KIF6: variants seen among roughly 807,000 people sequenced by gnomAD.
KIF6 encodes the protein kinesin-like protein KIF6.
In KIF6, 106 loss-of-function variants were observed where a neutral mutation model predicts 112.7. That is an observed-to-expected ratio of 0.94 (90% CI 0.80 to 1.11). The LOEUF (loss-of-function observed/expected upper bound fraction) is 1.11, where lower values mean the gene tolerates loss of function less well. Among genes scored for constraint, KIF6 ranks in the 50% least tolerant of loss-of-function variants. The pLI, the probability that KIF6 is intolerant of heterozygous loss-of-function variation, is 0.00. For missense variants in KIF6, 929 were observed against 964.0 expected (o/e 0.96, Z 0.48); for synonymous variants, 339 against 339.9 (o/e 1.00, Z 0.03).
chr6:39,532,935 A>G lies in KIF6; in HGVS notation c.1645+7068T>C, dbSNP rs140450565. The stretch of plus-strand genomic sequence containing the variant: ...AGTGCACATCATGCTCTGCTGGCCT[A>G]ACAGAAACACACGCGAATGAACTTG... On this transcript the variant is annotated intron_variant, in intron 13 of 22. Transcript: ENST00000287152. Among the ~76,000 whole-genome samples the G allele has an allele frequency of 1.1e-3, 168 of 152,324 alleles. 2 individuals carry two copies. The highest frequency in any genetic ancestry group is 3.8e-3 in the African/African-American group (157 of 41,562).
chr6:39,358,969 G>A (rs972556473), intron 18 of KIF6, among the ~76,000 whole-genome samples: 8 of 152,148 alleles, frequency 5.3e-5, no homozygotes, highest in African/African-American at 1.9e-4. Flanking sequence ...AGTGGTACAT[G>A]TATTACTATA....
intron 5 of KIF6, among the ~76,000 whole-genome samples, chr6:39,634,454 T>C (rs1419916268): frequency 6.6e-6 from 1 of 152,172 alleles, no homozygotes; most frequent in East Asian, 1.9e-4. Flanking sequence ...TCTCAGATTC[T>C]CTTATTGCTG....
At chr6:39,588,532 G>A (rs889027082) in intron 7 of KIF6, among the ~76,000 whole-genome samples, 3 of 152,014 alleles carry the variant, frequency 2.0e-5, no homozygotes, top group Non-Finnish European at 4.4e-5. Context: ...GCTTTTAAAT[G>A]CATTTATATC....
At chr6:39,385,548 TG>T in intron 16 of KIF6, 73 bp downstream of exon 16, 2 of 1,233,098 alleles carry the variant, frequency 1.6e-6, no homozygotes, top group Non-Finnish European at 2.4e-6. Context: ...ATCTTTTAGC[TG>T]GGTTTGGATT....
At chr6:39,496,426 T>C (rs1254872903) in intron 13 of KIF6, among the ~76,000 whole-genome samples, 2 of 152,182 alleles carry the variant, frequency 1.3e-5, no homozygotes, top group Admixed American at 6.5e-5. Flanking sequence ...TAACACTAAA[T>C]ATTAACACAT....
rs1206669220 is a variant in KIF6, at chr6:39,337,195, C to CTT, written c.2429-649_2429-648dup. ...TCCTTCTTTCTTTCTTTCTTTCTTT[C>CTT]TTTCTTTCTTTCTTTCTTTCTTTCT... On this transcript the variant is annotated intron_variant, in intron 22 of 22. Transcript: ENST00000287152. 8.8e-5 allele frequency among the ~76,000 whole-genome samples: 8 copies of CTT among 91,132 alleles called. No individual in the cohort carries two copies. The East Asian group carries it at 1.9e-3, about 22-fold the overall frequency. 59.8% of individuals were successfully genotyped at this position (91,132 alleles called of 152,430 possible).
At chr6:39,695,493 C>T (rs1204263006) in intron 3 of KIF6, among the ~76,000 whole-genome samples, 1 of 151,890 alleles carries the variant, frequency 6.6e-6, no homozygotes, top group Non-Finnish European at 1.5e-5. Flanking sequence ...GAAAAGTGGA[C>T]AAAGAACAAA....
intron 22 of KIF6, among the ~76,000 whole-genome samples, chr6:39,339,254 G>A (rs1763193475): frequency 6.6e-6 from 1 of 152,124 alleles, no homozygotes; most frequent in South Asian, 2.1e-4. Context: ...TTGGTGCTTG[G>A]GAGTTGATAA....
rs552971091 is a variant in KIF6 at position 39,523,226 on chromosome 6, T to C, written c.1645+16777A>G. Among the ~76,000 whole-genome samples the C allele has an allele frequency of 7.7e-4, 117 of 152,228 alleles. 1 individual carries two copies. Among genetic ancestry groups the C allele is most frequent in the African/African-American group, 2.1e-3 (87 of 41,546 alleles). ...ATGTTTGTCTCATCTTTTCAGTCCC[T>C]ACCGTGGCTGGCTTGGTCGAGGTCC... On this transcript the variant is annotated intron_variant, in intron 13 of 22. Transcript: ENST00000287152.
chr6:39,379,848 G>A (rs1766771523), intron 16 of KIF6, among the ~76,000 whole-genome samples: 1 of 152,240 alleles, frequency 6.6e-6, no homozygotes, highest in Non-Finnish European at 1.5e-5. Flanking sequence ...GTGGACCCAG[G>A]CTACTGGCCT....
rs1028750598 is a variant in KIF6 at position 39,555,781 on chromosome 6, C to T, written c.1182-10093G>A. Among the ~76,000 whole-genome samples, 5 of 151,546 alleles carry T rather than the reference C, an allele frequency of 3.3e-5. 1 individual carries two copies. Among genetic ancestry groups the T allele is most frequent in the African/African-American group, 4.9e-5 (2 of 41,228 alleles). On this transcript the variant is annotated intron_variant, in intron 10 of 22. Transcript: ENST00000287152. ...CAGCCTGGCCAACATGCTGAAACCCCGTCTCTACTAAAAATACAAAAATTA... is the reference window on the plus strand; with the variant it reads ...CAGCCTGGCCAACATGCTGAAACCCTGTCTCTACTAAAAATACAAAAATTA...
intron 6 of KIF6, among the ~76,000 whole-genome samples, chr6:39,608,158 A>C (rs776815859): frequency 5.9e-5 from 9 of 152,312 alleles, no homozygotes; most frequent in Middle Eastern, 3.4e-3. Context: ...AAAGTTTGCT[A>C]ATGTGCAAAG....
chr6:39,359,610 G>T (rs1207390120), intron 18 of KIF6, among the ~76,000 whole-genome samples: 2 of 152,004 alleles, frequency 1.3e-5, no homozygotes, highest in Non-Finnish European at 2.9e-5. Flanking sequence ...TTTTGAGACA[G>T]GGCCTTGCTC....
At chr6:39,698,453 T>C (rs948513177) in intron 3 of KIF6, among the ~76,000 whole-genome samples, 1 of 152,194 alleles carries the variant, frequency 6.6e-6, no homozygotes, top group Admixed American at 6.5e-5. Context: ...AAAAGAAATA[T>C]TGATTGCCAA....
intron 14 of KIF6, 33 bp downstream of exon 14, chr6:39,431,020 C>T (rs761705120): frequency 2.4e-5 from 34 of 1,404,046 alleles, no homozygotes; most frequent in Middle Eastern, 1.8e-4. Flanking sequence ...GGCTGAGCCT[C>T]GGAGGACCAG....
intron 10 of KIF6, among the ~76,000 whole-genome samples, chr6:39,557,876 T>A (rs527686846): frequency 1.3e-5 from 2 of 151,362 alleles, no homozygotes; most frequent in South Asian, 4.2e-4. Flanking sequence ...TCATTAAAAA[T>A]TTTGAAGGAT....
intron 5 of KIF6, among the ~76,000 whole-genome samples, chr6:39,634,503 G>A (rs1784520992): frequency 6.6e-6 from 1 of 152,006 alleles, no homozygotes; most frequent in Non-Finnish European, 1.5e-5. Flanking sequence ...TCAGAAAGAG[G>A]CCACAATTAG....
At chr6:39,674,428 A>G (rs1561918377) in intron 3 of KIF6, among the ~76,000 whole-genome samples, 2 of 152,158 alleles carry the variant, frequency 1.3e-5, no homozygotes, top group Admixed American at 1.3e-4. Flanking sequence ...CTACCAGACT[A>G]TGAGCATCAC....
intron 3 of KIF6, among the ~76,000 whole-genome samples, chr6:39,649,015 T>C (rs1041892768): frequency 1.6e-5 from 2 of 128,682 alleles, no homozygotes; most frequent in Admixed American, 1.5e-4. Flanking sequence ...AAAAAAAAAA[T>C]TAGTTGGGTG....
Sources: gnomAD v4.1 joint callset for allele counts (sites outside exome capture counted in the v4.1 genomes callset) on GRCh38, gnomAD v4.1.1 for gene constraint, MANE v1.5 for transcripts, NCBI Gene and HGNC (gene_info 2026-07-23, HGNC 2026-07-21) for gene names.